MROH1: variants seen among roughly 807,000 people sequenced by gnomAD.
MROH1 encodes maestro heat like repeat family member 1, also known as maestro heat-like repeat-containing protein family member 1.
In MROH1, 117 loss-of-function variants were observed where a neutral mutation model predicts 116.5. The observed-to-expected ratio is 1.00, with a 90% CI of 0.86 to 1.17. The LOEUF (loss-of-function observed/expected upper bound fraction) is 1.17, where lower values mean the gene tolerates loss of function less well. Among genes scored for constraint, MROH1 ranks in the 50% most tolerant of loss-of-function variants. MROH1 has a pLI of 0.00. For synonymous variants in MROH1, 921 were observed against 583.9 expected (o/e 1.58, Z -8.32); for missense variants, 1,873 against 1,338.5 (o/e 1.40, Z -6.23).
intron 4 of MROH1, among the ~76,000 whole-genome samples, chr8:144,173,877 G>C (rs1823149161): frequency 6.6e-6 from 1 of 152,150 alleles, no homozygotes; most frequent in South Asian, 2.1e-4. Context: ...GAAGAATGAG[G>C]ATACAGTGGA....
chr8:144,168,995 G>A (rs898178424), intron 4 of MROH1, among the ~76,000 whole-genome samples: 1 of 152,266 alleles, frequency 6.6e-6, no homozygotes, highest in South Asian at 2.1e-4. Flanking sequence ...CAGCCTCACA[G>A]GGATGCCAAA....
rs1833950207 is a variant in MROH1, at chr8:144,210,848, T to C, written c.1142-9752T>C. On this transcript the variant is annotated intron_variant, in intron 12 of 43. Coordinates refer to ENST00000326134, the MANE Select transcript of MROH1 (RefSeq NM_032450.3). ...GTGGTAAAATACATGCAATATAAAA[T>C]TTAGCATCTTAATCGTTTTTAAGCA... Among the ~76,000 whole-genome samples the C allele has an allele frequency of 2.6e-5, 4 of 152,330 alleles. No homozygotes were observed. The South Asian group carries it at 8.3e-4, about 32-fold the overall frequency.
intron 14 of MROH1, among the ~76,000 whole-genome samples, chr8:144,226,365 T>C (rs1837824168): frequency 6.6e-6 from 1 of 152,214 alleles, no homozygotes; most frequent in Admixed American, 6.5e-5. Context: ...CAGGCAACTG[T>C]ATGGATTCTC....
intron 1 of MROH1, among the ~76,000 whole-genome samples, chr8:144,149,345 T>C (rs1816184564): frequency 6.6e-6 from 1 of 152,102 alleles, no homozygotes; most frequent in Non-Finnish European, 1.5e-5. Context: ...GCTAAGGTGT[T>C]TTTGTTAACT....
At chr8:144,217,078 C>T (rs964411185) in intron 12 of MROH1, among the ~76,000 whole-genome samples, 2 of 152,024 alleles carry the variant, frequency 1.3e-5, no homozygotes, top group South Asian at 4.2e-4. Context: ...CCTGCGTTTT[C>T]GGAGGCCAAG....
chr8:144,191,013 G>A, intron 8 of MROH1, 78 bp downstream of exon 8: 1 of 1,490,924 alleles, frequency 6.7e-7, no homozygotes, highest in Non-Finnish European at 9.0e-7. Context: ...GTGGCAAATT[G>A]ATCAGAGGGT....
intron 14 of MROH1, among the ~76,000 whole-genome samples, chr8:144,229,418 C>G (rs887149192): frequency 7.3e-6 from 1 of 137,406 alleles, no homozygotes; most frequent in Non-Finnish European, 1.5e-5. Context: ...GGGTCTCACT[C>G]TGTGACCCAG....
intron 3 of MROH1, among the ~76,000 whole-genome samples, chr8:144,166,414 A>T (rs1820842075): frequency 6.6e-6 from 1 of 152,204 alleles, no homozygotes. Flanking sequence ...GCACCTGAGC[A>T]CGCAGGCCCC....
chr8:144,223,897 C>A (rs568949735), intron 14 of MROH1, among the ~76,000 whole-genome samples: 16 of 152,342 alleles, frequency 1.1e-4, no homozygotes, highest in Middle Eastern at 6.8e-3. Context: ...CTGTGGTGCC[C>A]ACTGTGCCTC....
At chr8:144,192,239 T>C (rs1465027642) in intron 9 of MROH1, 70 bp from the exon 10 acceptor site, 39 of 1,353,496 alleles carry the variant, frequency 2.9e-5, no homozygotes, top group Non-Finnish European at 3.7e-5. Flanking sequence ...ACTGGGAGGC[T>C]CTGATTGACC....
At position 144,225,910 on chromosome 8, in the gene MROH1, GT is replaced by G. The variant is rs764956904; in HGVS notation, c.1338+2703del. 3.2e-3 allele frequency among the ~76,000 whole-genome samples: 279 copies of G among 87,554 alleles called. 1 individual carries two copies. Among genetic ancestry groups the G allele is most frequent in the East Asian group, 0.012 (31 of 2,668 alleles). 57.4% of individuals were successfully genotyped at this position (87,554 alleles called of 152,430 possible). On this transcript the variant is annotated intron_variant, in intron 14 of 43. Coordinates refer to ENST00000326134, the MANE Select transcript of MROH1 (RefSeq NM_032450.3). ...CATATAGGCCTATGATTCATTTTTA[GT>G]TTTTTTTTTTTTTTTTTTTTTTAGG... is the stretch of plus-strand genomic sequence containing the variant.
chr8:144,238,919 GC>G, intron 15 of MROH1, 56 bp downstream of exon 15: 1 of 768,588 alleles, frequency 1.3e-6, no homozygotes. Context: ...CAGGGCAGTG[GC>G]CCAGGGTGCT....
At chr8:144,255,183 C>CA (rs1554832216) in intron 34 of MROH1, among the ~76,000 whole-genome samples, 30 of 152,114 alleles carry the variant, frequency 2.0e-4, no homozygotes, top group African/African-American at 6.5e-4. Flanking sequence ...TTTTATCCTG[C>CA]GGAAAAAAAA....
intron 14 of MROH1, among the ~76,000 whole-genome samples, chr8:144,225,910 G>GTTTTTTTTTTT (rs764956904): frequency 1.1e-5 from 1 of 87,554 alleles, no homozygotes; most frequent in Non-Finnish European, 2.1e-5. Context: ...TTCATTTTTA[G>GTTTTTTTTTTT]TTTTTTTTTT....
At chr8:144,234,534 T>TTTTTTTTTTTC (rs1588395719) in intron 14 of MROH1, among the ~76,000 whole-genome samples, 1 of 120,836 alleles carries the variant, frequency 8.3e-6, no homozygotes, top group Non-Finnish European at 1.6e-5. Context: ...TTTTTTTTTT[T>TTTTTTTTTTTC]CAAAAAGAGT....
intron 14 of MROH1, among the ~76,000 whole-genome samples, chr8:144,229,282 A>G (rs1245584469): frequency 1.3e-5 from 2 of 151,954 alleles, no homozygotes; most frequent in Non-Finnish European, 2.9e-5. Flanking sequence ...CATGGTATCT[A>G]CTATAGTGAA....
chr8:144,200,783 T>A, intron 12 of MROH1: 1 of 501,098 alleles, frequency 2.0e-6, no homozygotes. Flanking sequence ...GCAGACACCA[T>A]GCGTGGCCAC....
At chr8:144,149,603 C>T (rs1040705372) in intron 1 of MROH1, among the ~76,000 whole-genome samples, 2 of 152,016 alleles carry the variant, frequency 1.3e-5, no homozygotes, top group Admixed American at 6.6e-5. Context: ...CTCGTAGCCC[C>T]CCTTTCACAG....
At chr8:144,157,076 C>T (rs1818333966) in intron 1 of MROH1, among the ~76,000 whole-genome samples, 1 of 152,186 alleles carries the variant, frequency 6.6e-6, no homozygotes, top group Admixed American at 6.5e-5. Context: ...CTGCCTCAGC[C>T]TCCTGAGTAG....
Sources: allele counts gnomAD v4.1 joint callset (sites outside exome capture counted in the v4.1 genomes callset), GRCh38; gene constraint gnomAD v4.1.1; transcripts MANE v1.5; gene names NCBI Gene and HGNC (gene_info 2026-07-23, HGNC 2026-07-21).